The following DEFB131A variants were observed in gnomAD, a reference collection of about 807,000 sequenced individuals.
DEFB131A encodes beta-defensin 131A.
DEFB131A carries 5 observed loss-of-function variants against 2.4 expected under a neutral mutation model. That is an observed-to-expected ratio of 2.12 (90% CI 1.11 to 4.47). The LOEUF is 4.47. Ranked by LOEUF, DEFB131A falls within the 30% of genes most tolerant of loss-of-function variation. The probability of loss-of-function intolerance (pLI) is 0.00; values close to 1 mark genes in which losing one functional copy is unlikely to be tolerated. For synonymous variants in DEFB131A, 34 were observed against 25.7 expected (o/e 1.32, Z -0.97); for missense variants, 120 against 79.9 (o/e 1.50, Z -1.91).
At position 9,450,660 on chromosome 4, in the gene DEFB131A, G is replaced by T. The variant is rs1243199941; in HGVS notation, c.*146G>T. On this transcript the variant is annotated 3_prime_UTR_variant, in exon 2 of 2. Transcript: ENST00000334879. ...GAAAATGAATATAAATTTTATAAATGCTTCCACTCTATTTTCATTTGTGCA... is the reference window on the plus strand; with the variant it reads ...GAAAATGAATATAAATTTTATAAATTCTTCCACTCTATTTTCATTTGTGCA... 3.3e-6 allele frequency: 4 copies of T among 1,230,186 alleles called. No individual in the cohort carries two copies. Among genetic ancestry groups the T allele is most frequent in the Middle Eastern group, 2.8e-4 (1 of 3,548 alleles). The allele number at this position is 1,230,186 out of a possible 1,614,324, so 76.2% of individuals were successfully genotyped here. A position where few individuals can be genotyped will look rare whatever the true frequency, so the allele number is the denominator to read the frequency against.
At chr4:9,448,376 T>G (rs1490049594) in intron 1 of DEFB131A, among the ~76,000 whole-genome samples, 1 of 152,108 alleles carries the variant, frequency 6.6e-6, no homozygotes, top group East Asian at 1.9e-4. Flanking sequence ...TTTTAGACAG[T>G]CTCACTTTGT....
At chr4:9,446,150 C>T (rs1717499963) in intron 1 of DEFB131A, among the ~76,000 whole-genome samples, 1 of 151,832 alleles carries the variant, frequency 6.6e-6, no homozygotes, top group African/African-American at 2.4e-5. Flanking sequence ...AAGTATAATT[C>T]TGTATAATTA....
rs185079176 is a variant in DEFB131A at position 9,446,114 on chromosome 4, A to G, written c.58+1523A>G. ...TAGTAAATTCTATCTCAATAAAAAT[A>G]TAAAACACCAACATTCATGGAGGAA... On this transcript the variant is annotated intron_variant, in intron 1 of 1. Transcript: ENST00000334879. 9.9e-5 allele frequency among the ~76,000 whole-genome samples: 15 copies of G among 152,280 alleles called. No homozygotes were observed. The East Asian group carries it at 2.9e-3, about 29-fold the overall frequency.
intron 1 of DEFB131A, among the ~76,000 whole-genome samples, chr4:9,446,471 G>A (rs189328379): frequency 2.9e-3 from 435 of 151,936 alleles, no homozygotes; most frequent in African/African-American, 9.9e-3. Flanking sequence ...TATTTATTTG[G>A]CATTCTCTCT....
At chr4:9,444,854 C>A (rs1454983739) in intron 1 of DEFB131A, among the ~76,000 whole-genome samples, 1 of 149,518 alleles carries the variant, frequency 6.7e-6, no homozygotes, top group African/African-American at 2.5e-5. Flanking sequence ...GGTGGGTGAG[C>A]ACAGGAGTTC....
chr4:9,450,081 A>T (rs1717616368), intron 1 of DEFB131A, among the ~76,000 whole-genome samples: 1 of 152,114 alleles, frequency 6.6e-6, no homozygotes, highest in Non-Finnish European at 1.5e-5. Flanking sequence ...ACCACCCCCA[A>T]GCTGGATAAT....
chr4:9,450,089 A>G (rs1037544244), intron 1 of DEFB131A, among the ~76,000 whole-genome samples: 2 of 152,172 alleles, frequency 1.3e-5, no homozygotes, highest in African/African-American at 4.8e-5. Flanking sequence ...CAAGCTGGAT[A>G]ATTCATTTTA....
At chr4:9,449,605 A>G (rs1431757630) in intron 1 of DEFB131A, among the ~76,000 whole-genome samples, 2 of 151,920 alleles carry the variant, frequency 1.3e-5, no homozygotes, top group East Asian at 3.9e-4. Flanking sequence ...AGAAGAAAAC[A>G]TAAGGAGAAC....
intron 1 of DEFB131A, 143 bp downstream of exon 1, chr4:9,444,734 A>G (rs1710157283): frequency 7.4e-6 from 6 of 807,406 alleles, no homozygotes; most frequent in Non-Finnish European, 9.6e-6. Flanking sequence ...AAGAGTTGAT[A>G]CTAAAGAAAT....
rs957992319 is a variant in DEFB131A at position 9,445,788 on chromosome 4, C to G, written c.58+1197C>G. ...AAAATTGTGCACCCCTCACCATTAT[C>G]TAATTCCAGAATATGTTTATAACCG... On this transcript the variant is annotated intron_variant, in intron 1 of 1. Transcript: ENST00000334879. 1.3e-5 allele frequency among the ~76,000 whole-genome samples: 2 copies of G among 152,098 alleles called. 1 individual carries two copies. Among genetic ancestry groups the G allele is most frequent in the Non-Finnish European group, 2.9e-5 (2 of 67,984 alleles).
intron 1 of DEFB131A, among the ~76,000 whole-genome samples, chr4:9,450,060 T>A (rs1717615844): frequency 1.3e-5 from 2 of 152,192 alleles, no homozygotes; most frequent in Non-Finnish European, 2.9e-5. Context: ...TCCTGCATTA[T>A]GAATCTCTAC....
At position 9,444,470 on chromosome 4, in the gene DEFB131A, T is replaced by C; in HGVS notation, c.-64T>C. On this transcript the variant is annotated 5_prime_UTR_variant, in exon 1 of 2. It removes an upstream start codon present in the reference 5' UTR. Transcript: ENST00000334879. The stretch of plus-strand genomic sequence containing the variant: ...CAACTCACCTCTTCAGAGAACTGAA[T>C]GTACACAGAAGTCCTCTTCATCTCA... The C allele has an allele frequency of 6.4e-7, 1 of 1,571,946 alleles. No individual in the cohort carries two copies. Among genetic ancestry groups the C allele is most frequent in the Non-Finnish European group, 8.7e-7 (1 of 1,152,184 alleles).
intron 1 of DEFB131A, among the ~76,000 whole-genome samples, chr4:9,446,634 T>C (rs1168372058): frequency 6.6e-6 from 1 of 152,056 alleles, no homozygotes; most frequent in Non-Finnish European, 1.5e-5. Flanking sequence ...CTCCTAAGTT[T>C]GGATTTCATT....
Position 9,449,510 on chromosome 4 carries a change from G to A in DEFB131A, c.59-850G>A, listed in dbSNP as rs962714510. On this transcript the variant is annotated intron_variant, in intron 1 of 1. Transcript: ENST00000334879. Reference sequence around the variant, plus strand: ...TATTCACATGCAAAAGAATAAAACTGGGCCTGTATCTTACACTACACACAA... The same window carrying A: ...TATTCACATGCAAAAGAATAAAACTAGGCCTGTATCTTACACTACACACAA... 2.7e-5 allele frequency among the ~76,000 whole-genome samples: 4 copies of A among 150,496 alleles called. No individual in the cohort carries two copies. The East Asian group carries it at 5.9e-4, about 22-fold the overall frequency.
At chr4:9,449,621 A>G (rs1046275953) in intron 1 of DEFB131A, among the ~76,000 whole-genome samples, 6 of 151,952 alleles carry the variant, frequency 3.9e-5, no homozygotes, top group African/African-American at 1.4e-4. Context: ...AGAACCTTTC[A>G]TGATGTTGGT....
chr4:9,447,110 T>A (rs1717523889), intron 1 of DEFB131A, among the ~76,000 whole-genome samples: 1 of 152,202 alleles, frequency 6.6e-6, no homozygotes, highest in Admixed American at 6.5e-5. Context: ...CTATTTGGTC[T>A]GCGGTACAGA....
Position 9,450,613 on chromosome 4 carries a change from T to C in DEFB131A, c.*99T>C, listed in dbSNP as rs954276846. 13 of 1,456,712 alleles carry C rather than the reference T, an allele frequency of 8.9e-6. No homozygotes were observed. Among genetic ancestry groups the C allele is most frequent in the African/African-American group, 1.4e-5 (1 of 70,650 alleles). The allele number at this position is 1,456,712 out of a possible 1,614,324, so 90.2% of individuals were successfully genotyped here. ...ACATGATAGATGAAAATTATTATAA[T>C]TGCATGTTTAGATGGTCAGGTGAAA... On this transcript the variant is annotated 3_prime_UTR_variant, in exon 2 of 2. Transcript: ENST00000334879.
intron 1 of DEFB131A, among the ~76,000 whole-genome samples, chr4:9,447,950 T>A (rs1717544635): frequency 6.6e-6 from 1 of 151,938 alleles, no homozygotes; most frequent in Non-Finnish European, 1.5e-5. Context: ...TTAATAAGTG[T>A]AGGCCAATTA....
chr4:9,444,504 T>C lies in DEFB131A; in HGVS notation c.-30T>C. The C allele has an allele frequency of 6.2e-7, 1 of 1,608,052 alleles. No homozygotes were observed. Among genetic ancestry groups the C allele is most frequent in the Non-Finnish European group, 8.5e-7 (1 of 1,178,434 alleles). On this transcript the variant is annotated 5_prime_UTR_variant, in exon 1 of 2. Transcript: ENST00000334879. ...AAGTCCTCTTCATCTCAGCTACTGA[T>C]TCTCTCTAACCTGCTTTACCTATTC...
Sources: gnomAD v4.1 joint callset for allele counts (sites outside exome capture counted in the v4.1 genomes callset) on GRCh38, gnomAD v4.1.1 for gene constraint, MANE v1.5 for transcripts, NCBI Gene and HGNC (gene_info 2026-07-23, HGNC 2026-07-21) for gene names.